ZNF385D: variants seen among roughly 807,000 people sequenced by gnomAD.
ZNF385D encodes the protein zinc finger protein 659.
A neutral mutation model predicts 35.8 loss-of-function variants in ZNF385D; 15 were observed. The observed-to-expected ratio is 0.42, with a 90% CI of 0.28 to 0.64. ZNF385D has a LOEUF of 0.64. Ranked by LOEUF, ZNF385D falls within the 30% of genes least tolerant of loss-of-function variation. The pLI, the probability that ZNF385D is intolerant of heterozygous loss-of-function variation, is 0.23. For missense variants in ZNF385D, 474 were observed against 494.6 expected, an observed-to-expected ratio of 0.96 and a Z score of 0.39; for synonymous variants, 212 against 186.8, an observed-to-expected ratio of 1.13 and a Z score of -1.10.
At chr3:21,940,466 G>A (rs188227967) in intron 3 of ZNF385D, among the ~76,000 whole-genome samples, 36 of 152,310 alleles carry the variant, frequency 2.4e-4, no homozygotes, top group African/African-American at 8.2e-4. Flanking sequence ...CATAGCAAAT[G>A]CAATGTTACA....
chr3:22,341,640 G>A (rs1436993074), intron 2 of ZNF385D, among the ~76,000 whole-genome samples: 1 of 151,976 alleles, frequency 6.6e-6, no homozygotes, highest in Non-Finnish European at 1.5e-5. Flanking sequence ...ACTATAAAAC[G>A]TAAATGCCAC....
At chr3:22,193,151 T>A (rs1232580780) in intron 2 of ZNF385D, among the ~76,000 whole-genome samples, 1 of 152,192 alleles carries the variant, frequency 6.6e-6, no homozygotes, top group Non-Finnish European at 1.5e-5. Flanking sequence ...AATTCCTTCT[T>A]ATGAATAGTT....
At chr3:21,777,509 A>C (rs567130503) in intron 3 of ZNF385D, 2 of 151,932 alleles carry the variant, frequency 1.3e-5, no homozygotes, top group Admixed American at 1.3e-4. Flanking sequence ...CATTGGGAAG[A>C]AAGGCTTTCA....
At chr3:22,190,548 G>A (rs1260822567) in intron 2 of ZNF385D, among the ~76,000 whole-genome samples, 1 of 152,114 alleles carries the variant, frequency 6.6e-6, no homozygotes, top group East Asian at 1.9e-4. Flanking sequence ...TAAAGTAATT[G>A]CTAATATCGT....
intron 3 of ZNF385D, among the ~76,000 whole-genome samples, chr3:21,882,872 G>A (rs1698351874): frequency 6.6e-6 from 1 of 151,898 alleles, no homozygotes. Context: ...CTTTTCCTCA[G>A]AAATTGTACT....
At chr3:21,879,831 T>G (rs1021558655) in intron 3 of ZNF385D, among the ~76,000 whole-genome samples, 1 of 151,956 alleles carries the variant, frequency 6.6e-6, no homozygotes, top group African/African-American at 2.4e-5. Flanking sequence ...CCCTTTAATA[T>G]TACAATGAAT....
Position 22,179,780 on chromosome 3 carries a change from T to C in ZNF385D, c.107-10745A>G, listed in dbSNP as rs538972718. Among the ~76,000 whole-genome samples, 104 of 152,224 alleles carry C rather than the reference T, an allele frequency of 6.8e-4. 1 individual carries two copies. The highest frequency in any genetic ancestry group is 2.4e-3 in the African/African-American group (100 of 41,550). ...CATACCAGAATCTCTGGGACACATT[T>C]AAAGCAGTGTGTAGAGGGAAATTTA... is the stretch of plus-strand genomic sequence containing the variant. On this transcript the variant is annotated intron_variant, in intron 2 of 5. Transcript: ENST00000494108.
intron 3 of ZNF385D, chr3:21,542,846 C>T (rs990845629): frequency 6.6e-6 from 1 of 152,224 alleles, no homozygotes; most frequent in East Asian, 1.9e-4. Context: ...CGCCGACTTT[C>T]ACTCGATAAA....
At chr3:22,329,440 G>T (rs1454784225) in intron 2 of ZNF385D, among the ~76,000 whole-genome samples, 5 of 152,154 alleles carry the variant, frequency 3.3e-5, no homozygotes, top group African/African-American at 9.6e-5. Context: ...TTTTAAAATT[G>T]TTCTCTTTAT....
intron 3 of ZNF385D, among the ~76,000 whole-genome samples, chr3:22,104,870 T>C (rs1164835813): frequency 6.6e-6 from 1 of 152,132 alleles, no homozygotes; most frequent in Non-Finnish European, 1.5e-5. Flanking sequence ...AAGCAGATTT[T>C]CTCCAGGGAA....
At chr3:22,019,993 T>C (rs941289414) in intron 3 of ZNF385D, among the ~76,000 whole-genome samples, 8 of 151,946 alleles carry the variant, frequency 5.3e-5, no homozygotes, top group African/African-American at 1.7e-4. Context: ...TGTAATAAAA[T>C]GACTGCATAA....
intron 3 of ZNF385D, among the ~76,000 whole-genome samples, chr3:22,109,843 C>T (rs1208662579): frequency 3.9e-5 from 6 of 152,122 alleles, no homozygotes; most frequent in East Asian, 3.9e-4. Flanking sequence ...GAACAGGCAG[C>T]GTACAGAATG....
intron 3 of ZNF385D, among the ~76,000 whole-genome samples, chr3:22,154,436 A>C (rs1342025707): frequency 6.6e-6 from 1 of 152,168 alleles, no homozygotes; most frequent in Non-Finnish European, 1.5e-5. Flanking sequence ...AGAGGGCTTC[A>C]CCACGTAAGA....
chr3:21,963,134 C>T (rs1335381846), intron 3 of ZNF385D, among the ~76,000 whole-genome samples: 1 of 152,170 alleles, frequency 6.6e-6, no homozygotes, highest in African/African-American at 2.4e-5. Context: ...TTTTCCTGTA[C>T]ATAAAATGCT....
At chr3:22,107,028 T>TTTTTG (rs945524079) in intron 3 of ZNF385D, among the ~76,000 whole-genome samples, 3 of 145,196 alleles carry the variant, frequency 2.1e-5, no homozygotes, top group African/African-American at 7.5e-5. Flanking sequence ...GAATGAGAGT[T>TTTTTG]TTTTTTTTTT....
At chr3:21,903,306 A>T (rs926050956) in intron 3 of ZNF385D, among the ~76,000 whole-genome samples, 6 of 152,180 alleles carry the variant, frequency 3.9e-5, no homozygotes, top group Non-Finnish European at 4.4e-5. Context: ...GATGAGTATG[A>T]GGAGACTTAC....
intron 3 of ZNF385D, among the ~76,000 whole-genome samples, chr3:21,793,346 A>G (rs1446595973): frequency 1.3e-5 from 2 of 152,244 alleles, no homozygotes; most frequent in Non-Finnish European, 2.9e-5. Context: ...TTTATAAACC[A>G]GAAAAGTCAG....
chr3:21,858,110 C>G (rs924605652), intron 3 of ZNF385D, among the ~76,000 whole-genome samples: 1 of 138,006 alleles, frequency 7.2e-6, no homozygotes, highest in Non-Finnish European at 1.5e-5. Context: ...TGCAGTGGGC[C>G]AAGATGGTGC....
At chr3:22,104,539 T>G (rs1370792333) in intron 3 of ZNF385D, among the ~76,000 whole-genome samples, 1 of 139,724 alleles carries the variant, frequency 7.2e-6, no homozygotes, top group Non-Finnish European at 1.6e-5. Flanking sequence ...TTGGCAGACA[T>G]TTTTTTTTGC....
Sources: gnomAD v4.1 joint callset for allele counts (sites outside exome capture counted in the v4.1 genomes callset) on GRCh38, gnomAD v4.1.1 for gene constraint, MANE v1.5 for transcripts, NCBI Gene and HGNC (gene_info 2026-07-23, HGNC 2026-07-21) for gene names.